Variants in PROSER2 observed in about 807,000 individuals in gnomAD.
PROSER2 encodes the protein proline and serine rich 2.
A neutral mutation model predicts 14.6 loss-of-function variants in PROSER2; 18 were observed. The observed-to-expected ratio is 1.23, with a 90% CI of 0.85 to 1.83. PROSER2 has a LOEUF of 1.83. PROSER2 is among the 40% of genes most tolerant of loss of function. The pLI is 0.00. For synonymous variants in PROSER2, 367 were observed against 286.4 expected (o/e 1.28, Z -2.84); for missense variants, 823 against 629.8 (o/e 1.31, Z -3.28).
chr10:11,833,853 C>T (rs961318239), intron 1 of PROSER2, among the ~76,000 whole-genome samples: 2 of 151,874 alleles, frequency 1.3e-5, no homozygotes, highest in Admixed American at 6.6e-5. Flanking sequence ...GAGAGTCCGG[C>T]GGGGAGGCCA....
At chr10:11,826,663 T>C (rs1833618471) in intron 1 of PROSER2, among the ~76,000 whole-genome samples, 1 of 151,814 alleles carries the variant, frequency 6.6e-6, no homozygotes, top group South Asian at 2.1e-4. Context: ...CTGCAAGCTC[T>C]GCCTCCCGTG....
chr10:11,861,114 C>G (rs1038510547), intron 2 of PROSER2, among the ~76,000 whole-genome samples: 2 of 152,100 alleles, frequency 1.3e-5, no homozygotes, highest in African/African-American at 4.8e-5. Flanking sequence ...AAAATAATAA[C>G]AAATTGTTTC....
chr10:11,838,162 A>G lies in PROSER2; in HGVS notation c.-81-13835A>G, dbSNP rs1190756930. 1.3e-5 allele frequency among the ~76,000 whole-genome samples: 2 copies of G among 152,122 alleles called. No individual in the cohort carries two copies. The highest frequency in any genetic ancestry group is 1.9e-4 in the East Asian group (1 of 5,176). On this transcript the variant is annotated intron_variant, in intron 1 of 3. Transcript: ENST00000277570. This position sits in a 1 kb window ranked among gnomAD's most constrained non-coding sequence, Gnocchi z 4.4. Reference sequence around the variant, plus strand: ...CGGTGAGTGAGGCGGGCGGGTGTCTATTTTAGAACAATCAGGTCATGCCCC... The same window carrying G: ...CGGTGAGTGAGGCGGGCGGGTGTCTGTTTTAGAACAATCAGGTCATGCCCC...
chr10:11,866,884 G>T lies in PROSER2; in HGVS notation c.391+101G>T. 7.2e-7 allele frequency: 1 copy of T among 1,388,402 alleles called. No homozygotes were observed. The highest frequency in any genetic ancestry group is 1.4e-5 in the South Asian group (1 of 70,124). 86.0% of individuals were successfully genotyped at this position (1,388,402 alleles called of 1,614,324 possible). A position where few individuals can be genotyped will look rare whatever the true frequency, so the allele number is the denominator to read the frequency against. On this transcript the variant is annotated intron_variant, in intron 3 of 3. Coordinates refer to ENST00000277570, the MANE Select transcript of PROSER2 (RefSeq NM_153256.4). This position sits in a 1 kb window ranked among gnomAD's most constrained non-coding sequence, Gnocchi z 6.0. ...TCCCCTGTGTTTGCCAGTAGAAGTT[G>T]TTGAGTCTTACCAGATTTTTATAGG...
rs1415582270 is a variant in PROSER2 at position 11,870,885 on chromosome 10, CTT to C, written c.*480_*481del. On this transcript the variant is annotated 3_prime_UTR_variant, in exon 4 of 4. Coordinates refer to ENST00000277570, the MANE Select transcript of PROSER2 (RefSeq NM_153256.4). ...AAATGCTTGTTTCATTTTTTAATGT[CTT>C]AATATACTTGCTTTTGTTTTTGAAG... The C allele has an allele frequency of 6.1e-6, 1 of 164,806 alleles. No individual in the cohort carries two copies. The highest frequency in any genetic ancestry group is 1.5e-5 in the Non-Finnish European group (1 of 68,368). 10.2% of individuals were successfully genotyped at this position (164,806 alleles called of 1,614,324 possible). A position where few individuals can be genotyped will look rare whatever the true frequency, so the allele number is the denominator to read the frequency against.
intron 1 of PROSER2, among the ~76,000 whole-genome samples, chr10:11,833,235 C>CTTTTTTGTTTTTTT (rs1833711691): frequency 1.1e-5 from 1 of 87,668 alleles, no homozygotes; most frequent in Non-Finnish European, 2.0e-5. Flanking sequence ...AATGTTGTGG[C>CTTTTTTGTTTTTTT]TTTTTTTTTT....
At chr10:11,867,366 T>G (rs1834374663) in intron 3 of PROSER2, among the ~76,000 whole-genome samples, 1 of 151,196 alleles carries the variant, frequency 6.6e-6, no homozygotes, top group African/African-American at 2.4e-5. Context: ...AAATTGGAAA[T>G]GGCTTCCAGG....
intron 2 of PROSER2, among the ~76,000 whole-genome samples, chr10:11,861,595 A>C (rs564214160): frequency 6.6e-6 from 1 of 152,272 alleles, no homozygotes; most frequent in East Asian, 1.9e-4. Flanking sequence ...CCGACATAGG[A>C]AGAGCCAGTG....
rs1321230710 is a variant in PROSER2 at position 11,866,868 on chromosome 10, T to C, written c.391+85T>C. The C allele has an allele frequency of 6.8e-7, 1 of 1,472,470 alleles. No individual in the cohort carries two copies. The highest frequency in any genetic ancestry group is 1.4e-5 in the African/African-American group (1 of 71,380). 91.2% of individuals were successfully genotyped at this position (1,472,470 alleles called of 1,614,324 possible). A position where few individuals can be genotyped will look rare whatever the true frequency, so the allele number is the denominator to read the frequency against. On this transcript the variant is annotated intron_variant, in intron 3 of 3. Coordinates refer to ENST00000277570, the MANE Select transcript of PROSER2 (RefSeq NM_153256.4). The surrounding 1 kb of genome is among the most constrained non-coding windows in gnomAD (Gnocchi z 6.0). ...GATACTTCTTTTGTGTTCCCCTGTG[T>C]TTGCCAGTAGAAGTTGTTGAGTCTT... is the stretch of plus-strand genomic sequence containing the variant.
chr10:11,857,910 C>T (rs148235483), intron 2 of PROSER2, among the ~76,000 whole-genome samples: 1 of 152,122 alleles, frequency 6.6e-6, no homozygotes, highest in Admixed American at 6.6e-5. Context: ...CCACAATTGT[C>T]TTAGTCTGCA....
intron 2 of PROSER2, among the ~76,000 whole-genome samples, chr10:11,853,573 C>G (rs532277366): frequency 6.6e-6 from 1 of 152,176 alleles, no homozygotes; most frequent in South Asian, 2.1e-4. Context: ...GGCGACAGAA[C>G]GAGACTCCAT....
chr10:11,868,729 C>A (rs1022831237), intron 3 of PROSER2, among the ~76,000 whole-genome samples: 1 of 152,208 alleles, frequency 6.6e-6, no homozygotes, highest in Admixed American at 6.5e-5. Flanking sequence ...CAGCTCACTG[C>A]AACCTCCACC....
chr10:11,863,633 C>T lies in PROSER2; in HGVS notation c.139-2898C>T, dbSNP rs183623575. Among the ~76,000 whole-genome samples, 77 of 152,238 alleles carry T rather than the reference C, an allele frequency of 5.1e-4. 1 individual carries two copies. In the East Asian group the frequency reaches 0.011, roughly 22 times the overall value. ...TATAAGGTTTATAAAAGCATCAGTC[C>T]GCATGTACCACCTCCATTTCCTACT... On this transcript the variant is annotated intron_variant, in intron 2 of 3. Transcript: ENST00000277570.
chr10:11,845,908 C>G (rs933733801), intron 1 of PROSER2, among the ~76,000 whole-genome samples: 1 of 152,208 alleles, frequency 6.6e-6, no homozygotes, highest in Non-Finnish European at 1.5e-5. Flanking sequence ...GCTATACCAC[C>G]TAGTATCTTT....
rs544590933 is a variant in PROSER2 at position 11,837,639 on chromosome 10, T to C, written c.-82+14169T>C. Among the ~76,000 whole-genome samples, 35 of 152,352 alleles carry C rather than the reference T, an allele frequency of 2.3e-4. No homozygotes were observed. Among genetic ancestry groups the C allele is most frequent in the Middle Eastern group, 3.4e-3 (1 of 294 alleles). Reference sequence around the variant, plus strand: ...TCACTTGGTTAAGGGGAATAATTTTTCCATTCACGTTCAGAACTACCAAAG... The same window carrying C: ...TCACTTGGTTAAGGGGAATAATTTTCCCATTCACGTTCAGAACTACCAAAG... On this transcript the variant is annotated intron_variant, in intron 1 of 3. Transcript: ENST00000277570. The surrounding 1 kb of genome is among the most constrained non-coding windows in gnomAD (Gnocchi z 4.6).
chr10:11,824,826 A>C (rs1833588556), intron 1 of PROSER2, among the ~76,000 whole-genome samples: 1 of 152,252 alleles, frequency 6.6e-6, no homozygotes, highest in Non-Finnish European at 1.5e-5. Flanking sequence ...CAGAAATCCA[A>C]AATTAGAGTG....
At chr10:11,853,203 G>C (rs1056903295) in intron 2 of PROSER2, among the ~76,000 whole-genome samples, 3 of 152,138 alleles carry the variant, frequency 2.0e-5, no homozygotes, top group Non-Finnish European at 4.4e-5. Flanking sequence ...AGATATACTT[G>C]GTATGGGGTA....
chr10:11,829,314 CTAGATCATGCCTGTAA>C (rs1191915520), intron 1 of PROSER2, among the ~76,000 whole-genome samples: 1 of 151,066 alleles, frequency 6.6e-6, no homozygotes, highest in Non-Finnish European at 1.5e-5. Context: ...CCCGGGCATG[CTAGATCATGCCTGTAA>C]TCCCAACACT....
In PROSER2 at chr10:11,823,693, C is replaced by G. The variant is rs900394736; in HGVS notation, c.-82+223C>G. Among the ~76,000 whole-genome samples, 9 of 151,584 alleles carry G rather than the reference C, an allele frequency of 5.9e-5. No individual in the cohort carries two copies. The highest frequency in any genetic ancestry group is 2.2e-4 in the African/African-American group (9 of 41,254). On this transcript the variant is annotated intron_variant, in intron 1 of 3. Transcript: ENST00000277570. This position sits in a 1 kb window ranked among gnomAD's most constrained non-coding sequence, Gnocchi z 6.2. ...CGACCCCGGGGCGTCGCTGCCTCCT[C>G]GGGGACCTCGGAGTCGGGGCGCGGC...
Sources: gnomAD v4.1 joint callset for allele counts (sites outside exome capture counted in the v4.1 genomes callset) on GRCh38, gnomAD v4.1.1 for gene constraint, Gnocchi (gnomAD v3.1) non-coding constraint, MANE v1.5 for transcripts, NCBI Gene and HGNC (gene_info 2026-07-23, HGNC 2026-07-21) for gene names.